The following DCC variants were observed in gnomAD, a reference collection of about 807,000 sequenced individuals.
DCC encodes the protein netrin receptor DCC.
In DCC, 58 loss-of-function variants were observed where a neutral mutation model predicts 172.5. That is an observed-to-expected ratio of 0.34 (90% CI 0.27 to 0.42). The LOEUF (loss-of-function observed/expected upper bound fraction) is 0.42. Among genes scored for constraint, DCC ranks in the 10% least tolerant of loss-of-function variants. The pLI is 1.00. For missense variants in DCC, 1,740 were observed against 1,791.0 expected (o/e 0.97, Z 0.51); for synonymous variants, 709 against 644.5 (o/e 1.10, Z -1.52).
chr18:52,348,798 ATG>A (rs1335707871), intron 1 of DCC, among the ~76,000 whole-genome samples: 4 of 152,152 alleles, frequency 2.6e-5, no homozygotes, highest in Non-Finnish European at 5.9e-5. Flanking sequence ...CCTTCCCAAA[ATG>A]TACACTGATT....
chr18:53,485,089 G>C (rs2045885885), intron 25 of DCC, among the ~76,000 whole-genome samples: 1 of 151,906 alleles, frequency 6.6e-6, no homozygotes, highest in Non-Finnish European at 1.5e-5. Context: ...GAGAACTAAA[G>C]TTAATACAAT....
At chr18:53,163,176 A>C (rs1015573000) in intron 8 of DCC, among the ~76,000 whole-genome samples, 1 of 152,212 alleles carries the variant, frequency 6.6e-6, no homozygotes, top group African/African-American at 2.4e-5. Flanking sequence ...TTCATGCTCA[A>C]GTGTCCAGTA....
chr18:53,202,606 T>C (rs1237152534), intron 9 of DCC, among the ~76,000 whole-genome samples: 1 of 152,190 alleles, frequency 6.6e-6, no homozygotes, highest in Non-Finnish European at 1.5e-5. Context: ...AGCATATTTA[T>C]ATGGTCCTAA....
chr18:52,810,579 A>T (rs1050678443), intron 2 of DCC, among the ~76,000 whole-genome samples: 1 of 152,158 alleles, frequency 6.6e-6, no homozygotes, highest in African/African-American at 2.4e-5. Flanking sequence ...AAGGTGGGAA[A>T]GTCCCCCATG....
chr18:53,455,326 T>A (rs2045470263), intron 23 of DCC, among the ~76,000 whole-genome samples: 1 of 152,224 alleles, frequency 6.6e-6, no homozygotes, highest in African/African-American at 2.4e-5. Flanking sequence ...TAATTTATTA[T>A]GATGTGCCAA....
At chr18:52,591,790 T>C (rs1384644887) in intron 1 of DCC, among the ~76,000 whole-genome samples, 2 of 146,162 alleles carry the variant, frequency 1.4e-5, no homozygotes, top group African/African-American at 5.2e-5. Flanking sequence ...TTTATTTCTT[T>C]TTTTTTTTTT....
chr18:53,207,868 A>T, intron 11 of DCC, 51 bp downstream of exon 11: 1 of 1,503,916 alleles, frequency 6.6e-7, no homozygotes, highest in Non-Finnish European at 9.2e-7. Context: ...TAATATTGAC[A>T]ATAATGACAT....
At chr18:53,216,711 G>A (rs1254130534) in intron 12 of DCC, among the ~76,000 whole-genome samples, 1 of 152,086 alleles carries the variant, frequency 6.6e-6, no homozygotes, top group East Asian at 1.9e-4. Flanking sequence ...TTTATCTTTT[G>A]AAGCAAGTGA....
intron 1 of DCC, among the ~76,000 whole-genome samples, chr18:52,552,957 A>G (rs1019709576): frequency 1.3e-5 from 2 of 152,108 alleles, no homozygotes; most frequent in African/African-American, 4.8e-5. Flanking sequence ...TAAGTGGAGG[A>G]AAATCATATG....
Position 52,340,494 on chromosome 18 carries a change from G to T in DCC, c.-294G>T. 4.0e-6 allele frequency: 2 copies of T among 496,172 alleles called. No homozygotes were observed. Among genetic ancestry groups the T allele is most frequent in the South Asian group, 2.1e-5 (1 of 47,132 alleles). 30.7% of individuals were successfully genotyped at this position (496,172 alleles called of 1,614,324 possible). On this transcript the variant is annotated 5_prime_UTR_variant, in exon 1 of 29. Transcript: ENST00000442544. ...TGTCTTCCCTCCTCTGGCTCCCTCCGTTTCCTTGAGTTAGTTTTCTAAGGT... is the reference window on the plus strand; with the variant it reads ...TGTCTTCCCTCCTCTGGCTCCCTCCTTTTCCTTGAGTTAGTTTTCTAAGGT...
At chr18:52,688,445 C>T (rs771870123) in intron 1 of DCC, among the ~76,000 whole-genome samples, 1 of 151,944 alleles carries the variant, frequency 6.6e-6, no homozygotes, top group Non-Finnish European at 1.5e-5. Flanking sequence ...ATTTTTAAGA[C>T]CTTAGGCTCT....
intron 2 of DCC, among the ~76,000 whole-genome samples, chr18:52,791,475 T>TG (rs201974772): frequency 1.8e-3 from 269 of 150,600 alleles, no homozygotes; most frequent in African/African-American, 6.2e-3. Context: ...GTGTTTTGTT[T>TG]TTTTTTTGTT....
intron 7 of DCC, among the ~76,000 whole-genome samples, chr18:53,132,419 C>T (rs1351805299): frequency 1.3e-5 from 2 of 152,086 alleles, no homozygotes; most frequent in African/African-American, 2.4e-5. Flanking sequence ...CACATTTCAT[C>T]TAGAAAGACA....
chr18:53,330,567 C>T (rs2057519494), intron 14 of DCC, among the ~76,000 whole-genome samples: 1 of 152,142 alleles, frequency 6.6e-6, no homozygotes, highest in Non-Finnish European at 1.5e-5. Flanking sequence ...GTGATTTTTT[C>T]AGAACCAGAT....
intron 2 of DCC, among the ~76,000 whole-genome samples, chr18:52,818,649 A>G (rs944958392): frequency 2.0e-5 from 3 of 152,164 alleles, no homozygotes; most frequent in African/African-American, 7.2e-5. Flanking sequence ...TCATTAGATC[A>G]ATGGTCACCA....
intron 19 of DCC, 27 bp from the exon 20 acceptor site, chr18:53,410,425 T>G (rs1435086740): frequency 1.4e-6 from 2 of 1,479,768 alleles, no homozygotes; most frequent in Non-Finnish European, 1.9e-6. Flanking sequence ...GGACACCAAA[T>G]TAAGTCACAT....
At chr18:52,822,455 C>CTG (rs1210016695) in intron 2 of DCC, among the ~76,000 whole-genome samples, 1 of 152,224 alleles carries the variant, frequency 6.6e-6, no homozygotes, top group Non-Finnish European at 1.5e-5. Context: ...AATAGCTGAG[C>CTG]TGAGAGGCCT....
chr18:52,709,942 C>T (rs1465631424), intron 1 of DCC, among the ~76,000 whole-genome samples: 1 of 152,026 alleles, frequency 6.6e-6, no homozygotes, highest in Non-Finnish European at 1.5e-5. Flanking sequence ...TAAAAAGAAA[C>T]AATGCATTTG....
intron 1 of DCC, among the ~76,000 whole-genome samples, chr18:52,680,527 A>G (rs2035729640): frequency 6.6e-6 from 1 of 152,088 alleles, no homozygotes; most frequent in South Asian, 2.1e-4. Context: ...GTTTAATTAT[A>G]TATTAAACAG....
Sources: gnomAD v4.1 joint callset for allele counts (sites outside exome capture counted in the v4.1 genomes callset) on GRCh38, gnomAD v4.1.1 for gene constraint, MANE v1.5 for transcripts, NCBI Gene and HGNC (gene_info 2026-07-23, HGNC 2026-07-21) for gene names.